RAB11FIP4: variants seen among roughly 807,000 people sequenced by gnomAD.
RAB11FIP4 encodes the protein RAB11 family interacting protein 4.
Under a neutral mutation model 74.3 loss-of-function variants are expected in RAB11FIP4, and 23 were observed. The observed-to-expected ratio is 0.31, with a 90% CI of 0.22 to 0.44. RAB11FIP4 has a LOEUF of 0.44. RAB11FIP4 is among the 20% of genes least tolerant of loss of function. The pLI, the probability that RAB11FIP4 is intolerant of heterozygous loss-of-function variation, is 1.00. For missense variants in RAB11FIP4, 630 were observed against 863.9 expected, an observed-to-expected ratio of 0.73 and a Z score of 3.39; for synonymous variants, 360 against 359.9, an observed-to-expected ratio of 1.00 and a Z score of 0.00.
intron 3 of RAB11FIP4, among the ~76,000 whole-genome samples, chr17:31,513,981 A>G (rs1017543076): frequency 1.3e-5 from 2 of 152,158 alleles, no homozygotes; most frequent in African/African-American, 4.8e-5. Flanking sequence ...GGCAGCTCGC[A>G]CGGGGCTGTT....
chr17:31,426,429 G>A (rs1296555809), intron 1 of RAB11FIP4, among the ~76,000 whole-genome samples: 1 of 150,782 alleles, frequency 6.6e-6, no homozygotes, highest in Non-Finnish European at 1.5e-5. Flanking sequence ...ATGAGACTAT[G>A]TGTGAACCCT....
chr17:31,408,666 A>C (rs2071064593), intron 1 of RAB11FIP4, among the ~76,000 whole-genome samples: 2 of 152,148 alleles, frequency 1.3e-5, no homozygotes, highest in African/African-American at 4.8e-5. Flanking sequence ...TTTTGAGTTC[A>C]ATTACTTTTT....
intron 3 of RAB11FIP4, among the ~76,000 whole-genome samples, chr17:31,450,354 A>ATT (rs1419618606): frequency 7.5e-6 from 1 of 133,236 alleles, no homozygotes; most frequent in Non-Finnish European, 1.6e-5. Context: ...TATTATTATT[A>ATT]TTATTATTGA....
intron 3 of RAB11FIP4, among the ~76,000 whole-genome samples, chr17:31,443,733 A>C (rs2071426277): frequency 6.6e-6 from 1 of 152,146 alleles, no homozygotes; most frequent in Non-Finnish European, 1.5e-5. Context: ...AACATGGCGA[A>C]ACCCCATCTT....
intron 1 of RAB11FIP4, among the ~76,000 whole-genome samples, chr17:31,411,853 G>T (rs1022887099): frequency 6.6e-6 from 1 of 152,242 alleles, no homozygotes; most frequent in Admixed American, 6.5e-5. Context: ...GCGTCCTTCC[G>T]AGGAGAAGGT....
intron 3 of RAB11FIP4, among the ~76,000 whole-genome samples, chr17:31,485,927 A>T (rs1285266623): frequency 1.3e-5 from 2 of 150,248 alleles, no homozygotes; most frequent in Admixed American, 6.6e-5. Context: ...AGGTACTCTT[A>T]TTTTTTTTTT....
chr17:31,445,510 C>A (rs2071442332), intron 3 of RAB11FIP4, among the ~76,000 whole-genome samples: 1 of 126,038 alleles, frequency 7.9e-6, no homozygotes. Context: ...ATTGTAAAAT[C>A]TACATTCAAA....
intron 3 of RAB11FIP4, among the ~76,000 whole-genome samples, chr17:31,510,216 A>G (rs1462619588): frequency 6.6e-6 from 1 of 152,290 alleles, no homozygotes; most frequent in Non-Finnish European, 1.5e-5. Context: ...TGCTGCCCAT[A>G]GGAAGGACCC....
chr17:31,496,932 C>A (rs1008507561), intron 3 of RAB11FIP4, among the ~76,000 whole-genome samples: 8 of 152,246 alleles, frequency 5.3e-5, no homozygotes, highest in Non-Finnish European at 1.0e-4. Flanking sequence ...GTTCAAATCC[C>A]AGCCCTGCGA....
intron 1 of RAB11FIP4, among the ~76,000 whole-genome samples, chr17:31,415,809 C>G (rs1328149890): frequency 6.6e-6 from 1 of 152,122 alleles, no homozygotes; most frequent in Non-Finnish European, 1.5e-5. Context: ...CCTCAGCCCC[C>G]CTGCGGACGG....
chr17:31,391,747 C>A lies in RAB11FIP4; in HGVS notation c.-106C>A. 1 of 855,678 alleles carries A rather than the reference C, an allele frequency of 1.2e-6. No homozygotes were observed. The highest frequency in any genetic ancestry group is 1.4e-6 in the Non-Finnish European group (1 of 713,350). 53.0% of individuals were successfully genotyped at this position (855,678 alleles called of 1,614,324 possible). On this transcript the variant is annotated 5_prime_UTR_variant, in exon 1 of 15. Transcript: ENST00000621161. ...CCGCCACCGGGCGGAGGCTGCGCGG[C>A]GCAGACCCAGACGGGCGGCCCCGGA...
At chr17:31,474,840 T>G (rs1366957151) in intron 3 of RAB11FIP4, among the ~76,000 whole-genome samples, 1 of 136,380 alleles carries the variant, frequency 7.3e-6, no homozygotes, top group African/African-American at 2.9e-5. Flanking sequence ...CGAAACACTG[T>G]CTCAAAAAAC....
At chr17:31,444,890 C>G (rs1270690303) in intron 3 of RAB11FIP4, among the ~76,000 whole-genome samples, 2 of 152,196 alleles carry the variant, frequency 1.3e-5, no homozygotes, top group East Asian at 3.8e-4. Context: ...TTATCCCTAC[C>G]TGCTGCTTCC....
chr17:31,403,095 C>T (rs561964114), intron 1 of RAB11FIP4, among the ~76,000 whole-genome samples: 16 of 129,330 alleles, frequency 1.2e-4, no homozygotes, highest in Middle Eastern at 3.6e-3. Flanking sequence ...TTCACCGCCC[C>T]GCCCCCCCGC....
At chr17:31,503,940 C>G (rs978605598) in intron 3 of RAB11FIP4, among the ~76,000 whole-genome samples, 3 of 149,490 alleles carry the variant, frequency 2.0e-5, no homozygotes, top group African/African-American at 7.7e-5. Context: ...AAATGGAAAA[C>G]AGGCATATGA....
chr17:31,500,344 C>T (rs1175259252), intron 3 of RAB11FIP4, among the ~76,000 whole-genome samples: 4 of 152,100 alleles, frequency 2.6e-5, no homozygotes, highest in African/African-American at 4.8e-5. Context: ...CCACGTGTCC[C>T]GGGGGCAGTA....
At chr17:31,520,346 A>G (rs1481526736) in intron 4 of RAB11FIP4, among the ~76,000 whole-genome samples, 1 of 152,160 alleles carries the variant, frequency 6.6e-6, no homozygotes, top group Non-Finnish European at 1.5e-5. Context: ...ACTCAGTCTT[A>G]CAGTATCTAA....
At chr17:31,424,558 C>T (rs1027170717) in intron 1 of RAB11FIP4, among the ~76,000 whole-genome samples, 2 of 150,354 alleles carry the variant, frequency 1.3e-5, no homozygotes, top group African/African-American at 4.9e-5. Context: ...TACAGGCGCG[C>T]ACCACCACAC....
intron 3 of RAB11FIP4, among the ~76,000 whole-genome samples, chr17:31,444,351 C>A (rs563518909): frequency 2.0e-5 from 3 of 150,238 alleles, no homozygotes; most frequent in African/African-American, 7.4e-5. Flanking sequence ...GTTTCAACAC[C>A]CCCCCCACCC....
Sources: allele counts gnomAD v4.1 joint callset (sites outside exome capture counted in the v4.1 genomes callset), GRCh38; gene constraint gnomAD v4.1.1; transcripts MANE v1.5; gene names NCBI Gene and HGNC (gene_info 2026-07-23, HGNC 2026-07-21).